The following CCDC138 variants were observed in gnomAD, a reference collection of about 807,000 sequenced individuals.
CCDC138 encodes the protein coiled-coil domain containing 138.
CCDC138 carries 66 observed loss-of-function variants against 82.3 expected under a neutral mutation model. The ratio of observed to expected loss-of-function variants is 0.80; its 90% CI spans 0.66 to 0.98. CCDC138 has a LOEUF of 0.98. CCDC138 is among the 50% of genes least tolerant of loss of function. CCDC138 has a pLI of 0.00. For synonymous variants in CCDC138, 297 were observed against 265.4 expected, an observed-to-expected ratio of 1.12 and a Z score of -1.16; for missense variants, 816 against 758.9, an observed-to-expected ratio of 1.08 and a Z score of -0.88.
downstream of CCDC138, chr2:108,876,624 T>TC: frequency 6.5e-6 from 1 of 154,570 alleles, no homozygotes; most frequent in South Asian, 2.0e-4. Flanking sequence ...TATATTAGAA[T>TC]CCTTGCTTTT....
chr2:108,848,192 A>G (rs1163858743), intron 12 of CCDC138, among the ~76,000 whole-genome samples: 4 of 152,236 alleles, frequency 2.6e-5, no homozygotes, highest in Admixed American at 6.5e-5. Flanking sequence ...TAATATGTCA[A>G]CATACATTAT....
intron 6 of CCDC138, among the ~76,000 whole-genome samples, chr2:108,800,545 G>T (rs900182231): frequency 6.7e-6 from 1 of 149,916 alleles, no homozygotes; most frequent in South Asian, 2.1e-4. Context: ...GATCACAGGC[G>T]TGCCTGGCCA....
chr2:108,867,563 C>G (rs1189049557), intron 13 of CCDC138, among the ~76,000 whole-genome samples: 2 of 152,138 alleles, frequency 1.3e-5, no homozygotes, highest in African/African-American at 2.4e-5. Flanking sequence ...TCCTACTCAT[C>G]TTTCAAGAAA....
At chr2:108,865,752 C>T (rs549970956) in intron 13 of CCDC138, among the ~76,000 whole-genome samples, 46 of 152,272 alleles carry the variant, frequency 3.0e-4, no homozygotes, top group African/African-American at 1.1e-3. Context: ...CTCCCCTATC[C>T]ATTCCCAGGT....
downstream of CCDC138, among the ~76,000 whole-genome samples, chr2:108,878,655 G>GA (rs972414719): frequency 1.3e-5 from 2 of 152,044 alleles, no homozygotes; most frequent in Admixed American, 1.3e-4. Context: ...CCTTTTATTT[G>GA]AAAAAAATTG....
intron 10 of CCDC138, among the ~76,000 whole-genome samples, chr2:108,828,462 A>G (rs1687011693): frequency 6.6e-6 from 1 of 152,256 alleles, no homozygotes; most frequent in South Asian, 2.1e-4. Context: ...AAAACTTAGT[A>G]CAAAGCTATA....
chr2:108,816,677 AACC>A, intron 10 of CCDC138, among the ~76,000 whole-genome samples: 1 of 152,116 alleles, frequency 6.6e-6, no homozygotes. Context: ...CATCCCTCAT[AACC>A]CAGTCACCTC....
At chr2:108,844,114 G>A (rs1428797008) in intron 11 of CCDC138, among the ~76,000 whole-genome samples, 1 of 151,706 alleles carries the variant, frequency 6.6e-6, no homozygotes, top group Non-Finnish European at 1.5e-5. Context: ...TTCCATCTTG[G>A]CCTCCCAAAG....
chr2:108,823,857 ATCC>A (rs1686119685), intron 10 of CCDC138, among the ~76,000 whole-genome samples: 1 of 152,048 alleles, frequency 6.6e-6, no homozygotes, highest in Non-Finnish European at 1.5e-5. Flanking sequence ...GGCATCTGTA[ATCC>A]CAGCTACTCG....
intron 10 of CCDC138, among the ~76,000 whole-genome samples, chr2:108,821,828 C>T (rs1685754129): frequency 6.6e-6 from 1 of 151,490 alleles, no homozygotes; most frequent in Non-Finnish European, 1.5e-5. Flanking sequence ...GCCTATAATC[C>T]CAGCTACTCC....
chr2:108,823,979 G>GA, intron 10 of CCDC138, among the ~76,000 whole-genome samples: 2 of 146,828 alleles, frequency 1.4e-5, no homozygotes, highest in East Asian at 2.1e-4. Context: ...TGTCTCAAAA[G>GA]AAAAAAAAGG....
At chr2:108,841,225 A>G (rs1235271047) in intron 11 of CCDC138, among the ~76,000 whole-genome samples, 3 of 152,040 alleles carry the variant, frequency 2.0e-5, no homozygotes, top group Non-Finnish European at 4.4e-5. Flanking sequence ...TATGGCTGAG[A>G]ATATGTATTC....
At chr2:108,856,354 G>C (rs900530297) in intron 12 of CCDC138, among the ~76,000 whole-genome samples, 3 of 152,080 alleles carry the variant, frequency 2.0e-5, no homozygotes, top group Admixed American at 6.5e-5. Context: ...AATCCATTTA[G>C]CACGTTTGTA....
intron 10 of CCDC138, among the ~76,000 whole-genome samples, chr2:108,837,606 CAT>C (rs548302681): frequency 8.3e-4 from 126 of 152,322 alleles, no homozygotes; most frequent in Middle Eastern, 6.8e-3. Flanking sequence ...ACATTACTCA[CAT>C]GTTTGTGGTG....
In CCDC138 at chr2:108,846,908, T is replaced by C; in HGVS notation, c.1494T>C (p.Ile498=). The change falls in exon 12 of 15, where the codon ATT becomes ATC. Residue 498 remains isoleucine (I), a synonymous_variant. Coordinates refer to ENST00000295124, the MANE Select transcript of CCDC138 (RefSeq NM_144978.3). ...CATTGAGATTTTTATCAACCTTAATTGTTCTCAAAACAGTCACTCAAGGTA... is the reference window on the plus strand; with the variant it reads ...CATTGAGATTTTTATCAACCTTAATCGTTCTCAAAACAGTCACTCAAGGTA... ...NLPLRFLSTL[I]VLKTVTQADY... The C allele has an allele frequency of 6.2e-7, 1 of 1,608,036 alleles. No individual in the cohort carries two copies. The highest frequency in any genetic ancestry group is 8.5e-7 in the Non-Finnish European group (1 of 1,175,658).
intron 13 of CCDC138, among the ~76,000 whole-genome samples, chr2:108,859,553 T>TC (rs1454610938): frequency 6.6e-6 from 1 of 152,174 alleles, no homozygotes; most frequent in East Asian, 1.9e-4. Context: ...AAGTCTTTGT[T>TC]CCATCTTGAG....
intron 6 of CCDC138, among the ~76,000 whole-genome samples, chr2:108,803,672 C>CA (rs1485002735): frequency 1.3e-5 from 2 of 152,098 alleles, no homozygotes; most frequent in African/African-American, 4.8e-5. Context: ...GAGAGAAGAG[C>CA]AAAAACAAAA....
intron 4 of CCDC138, among the ~76,000 whole-genome samples, chr2:108,793,355 C>A (rs1389880442): frequency 5.3e-5 from 8 of 151,662 alleles, no homozygotes; most frequent in Admixed American, 6.6e-5. Context: ...AAAACAACAA[C>A]AAAAAAACAC....
intron 11 of CCDC138, among the ~76,000 whole-genome samples, chr2:108,842,155 G>GCC (rs1242118698): frequency 2.6e-4 from 40 of 151,840 alleles, no homozygotes; most frequent in African/African-American, 9.7e-4. Context: ...AGCCTCCTGT[G>GCC]TAGCTAGGAT....
Sources: gnomAD v4.1 joint callset for allele counts (sites outside exome capture counted in the v4.1 genomes callset) on GRCh38, gnomAD v4.1.1 for gene constraint, MANE v1.5 for transcripts, NCBI Gene and HGNC (gene_info 2026-07-23, HGNC 2026-07-21) for gene names.